The following CDCA7L variants were observed in gnomAD, a reference collection of about 807,000 sequenced individuals.
CDCA7L encodes cell division cycle associated 7 like, also known as cell division cycle-associated 7-like protein.
Under a neutral mutation model 57.4 loss-of-function variants are expected in CDCA7L, and 44 were observed. That is an observed-to-expected ratio of 0.77 (90% CI 0.60 to 0.98). CDCA7L has a LOEUF of 0.98. Among genes scored for constraint, CDCA7L ranks in the 50% least tolerant of loss-of-function variants. The pLI, the probability that CDCA7L is intolerant of heterozygous loss-of-function variation, is 0.00. For missense variants in CDCA7L, 644 were observed against 580.6 expected (o/e 1.11, Z -1.12); for synonymous variants, 236 against 202.8 (o/e 1.16, Z -1.39).
chr7:21,939,116 G>C (rs1786264434), intron 1 of CDCA7L, among the ~76,000 whole-genome samples: 1 of 152,142 alleles, frequency 6.6e-6, no homozygotes, highest in African/African-American at 2.4e-5. Flanking sequence ...AATACCATAT[G>C]ATTCCACTCA....
At chr7:21,938,531 A>G (rs1786243525) in intron 1 of CDCA7L, among the ~76,000 whole-genome samples, 1 of 152,220 alleles carries the variant, frequency 6.6e-6, no homozygotes, top group South Asian at 2.1e-4. Flanking sequence ...CATATAACCC[A>G]GCAATTCTAC....
At chr7:21,927,642 C>A (rs1785869320) in intron 1 of CDCA7L, among the ~76,000 whole-genome samples, 1 of 152,174 alleles carries the variant, frequency 6.6e-6, no homozygotes, top group Non-Finnish European at 1.5e-5. Flanking sequence ...CCCAAACTGG[C>A]TGAAAGGCAT....
At chr7:21,910,276 A>C (rs1785274810) in intron 3 of CDCA7L, among the ~76,000 whole-genome samples, 1 of 152,204 alleles carries the variant, frequency 6.6e-6, no homozygotes, top group Admixed American at 6.5e-5. Context: ...GAAGCTAGGG[A>C]CTTGCTGGCC....
chr7:21,935,728 G>A (rs1439491240), intron 1 of CDCA7L, among the ~76,000 whole-genome samples: 2 of 152,142 alleles, frequency 1.3e-5, no homozygotes, highest in Admixed American at 1.3e-4. Context: ...AAAAGGACTG[G>A]CCAGGCGCTG....
chr7:21,905,790 C>A, intron 6 of CDCA7L, 159 bp from the exon 7 acceptor site: 3 of 777,006 alleles, frequency 3.9e-6, no homozygotes, highest in Non-Finnish European at 5.7e-6. Flanking sequence ...TGAGCTCCTG[C>A]CACCTGCCAA....
chr7:21,903,247 C>G (rs1248412974), intron 8 of CDCA7L, 133 bp from the exon 9 acceptor site: 2 of 773,076 alleles, frequency 2.6e-6, no homozygotes, highest in African/African-American at 3.5e-5. Context: ...AGTCTACGTC[C>G]CAGGGGGCTC....
In CDCA7L at chr7:21,901,557, A is replaced by G. The variant is rs1562615761; in HGVS notation, c.*765T>C. 2 of 221,414 alleles carry G rather than the reference A, an allele frequency of 9.0e-6. No homozygotes were observed. Among genetic ancestry groups the G allele is most frequent in the Admixed American group, 5.7e-5 (1 of 17,456 alleles). 13.7% of individuals were successfully genotyped at this position (221,414 alleles called of 1,614,324 possible). A position where few individuals can be genotyped will look rare whatever the true frequency, so the allele number is the denominator to read the frequency against. ...GCACTCCCTCCTGGGCAACAGAACA[A>G]GACTCCATCTCAAAAAAAAAAAAGT... On this transcript the variant is annotated 3_prime_UTR_variant, in exon 10 of 10. Transcript: ENST00000406877.
intron 1 of CDCA7L, among the ~76,000 whole-genome samples, chr7:21,937,696 A>T (rs190727624): frequency 6.6e-6 from 1 of 152,172 alleles, no homozygotes; most frequent in Non-Finnish European, 1.5e-5. Flanking sequence ...CCTGACTTCA[A>T]TACTTACTAC....
Position 21,901,888 on chromosome 7 carries a change from G to C in CDCA7L, c.*434C>G, listed in dbSNP as rs181501220. 45 of 185,938 alleles carry C rather than the reference G, an allele frequency of 2.4e-4. No homozygotes were observed. Among genetic ancestry groups the C allele is most frequent in the African/African-American group, 1.0e-3 (44 of 42,564 alleles). The allele number at this position is 185,938 out of a possible 1,614,324, so 11.5% of individuals were successfully genotyped here. On this transcript the variant is annotated 3_prime_UTR_variant, in exon 10 of 10. Coordinates refer to ENST00000406877, the MANE Select transcript of CDCA7L (RefSeq NM_018719.5). Reference sequence around the variant, plus strand: ...TCCAATGACCAAGAGCAGGTTAAACGATGTGTGTGGTCTATTAAACTGTGG... The same window carrying C: ...TCCAATGACCAAGAGCAGGTTAAACCATGTGTGTGGTCTATTAAACTGTGG...
At position 21,901,948 on chromosome 7, in the gene CDCA7L, G is replaced by C. The variant is rs978519669; in HGVS notation, c.*374C>G. The C allele has an allele frequency of 4.2e-6, 1 of 240,612 alleles. No homozygotes were observed. Among genetic ancestry groups the C allele is most frequent in the African/African-American group, 2.5e-5 (1 of 40,678 alleles). The allele number at this position is 240,612 out of a possible 1,614,324, so 14.9% of individuals were successfully genotyped here. On this transcript the variant is annotated 3_prime_UTR_variant, in exon 10 of 10. Transcript: ENST00000406877. ...CTAAGGCACACTTGGCCTGGAGTGAGTTACTGTTTGGGAAGCCAAAGATAG... is the reference window on the plus strand; with the variant it reads ...CTAAGGCACACTTGGCCTGGAGTGACTTACTGTTTGGGAAGCCAAAGATAG...
At chr7:21,912,828 T>C (rs186787403) in intron 2 of CDCA7L, among the ~76,000 whole-genome samples, 14 of 152,356 alleles carry the variant, frequency 9.2e-5, no homozygotes, top group Admixed American at 8.5e-4. Context: ...AGATGCAATG[T>C]GACTCTTTAA....
At chr7:21,916,633 A>G in intron 2 of CDCA7L, 121 bp downstream of exon 2, 1 of 934,086 alleles carries the variant, frequency 1.1e-6, no homozygotes, top group Non-Finnish European at 1.6e-6. Context: ...ATGTTTCTAA[A>G]ATAAAATGCT....
rs776311696 is a variant in CDCA7L, at chr7:21,906,338, G to A, written c.872C>T (p.Ala291Val). ...FALENFTVSAAKFAEEFYSFR... is the reference protein window; with the variant it reads ...FALENFTVSAVKFAEEFYSFR... ...GCTGTAAAACTCTTCCGCAAATTTA[G>A]CGGCTGAGACAGTGAAGTTCTCTAG... The change falls in exon 6 of 10, where the codon GCT becomes GTT. Residue 291 changes from alanine to valine, a missense_variant. Physicochemically the swap from Ala to Val is moderately conservative, Grantham distance 64. Coordinates refer to ENST00000406877, the MANE Select transcript of CDCA7L (RefSeq NM_018719.5). The A allele has an allele frequency of 6.2e-7, 1 of 1,611,014 alleles. No individual in the cohort carries two copies. The highest frequency in any genetic ancestry group is 8.5e-7 in the Non-Finnish European group (1 of 1,178,664).
At position 21,901,642 on chromosome 7, in the gene CDCA7L, GATTTTA is replaced by G. The variant is rs891533035; in HGVS notation, c.*674_*679del. ...AAGCAATGCAGCCGGAAAGAACGGA[GATTTTA>G]ATTTTTAACAAACAACAAATTAAAT... On this transcript the variant is annotated 3_prime_UTR_variant, in exon 10 of 10. Coordinates refer to ENST00000406877, the MANE Select transcript of CDCA7L (RefSeq NM_018719.5). 2.5e-5 allele frequency: 4 copies of G among 157,992 alleles called. No individual in the cohort carries two copies. The highest frequency in any genetic ancestry group is 7.2e-5 in the African/African-American group (3 of 41,472). The allele number at this position is 157,992 out of a possible 1,614,324, so 9.8% of individuals were successfully genotyped here.
intron 4 of CDCA7L, among the ~76,000 whole-genome samples, chr7:21,907,105 C>G (rs1040594830): frequency 6.6e-6 from 1 of 152,266 alleles, no homozygotes; most frequent in East Asian, 1.9e-4. Context: ...TCTCATCAAT[C>G]AAAGTAATCT....
At chr7:21,915,902 G>C (rs1166681543) in intron 2 of CDCA7L, among the ~76,000 whole-genome samples, 1 of 152,052 alleles carries the variant, frequency 6.6e-6, no homozygotes, top group African/African-American at 2.4e-5. Context: ...GTTAGAAGGA[G>C]GTCTACTGGT....
intron 3 of CDCA7L, among the ~76,000 whole-genome samples, chr7:21,910,615 T>TATGCTATGC (rs1386520016): frequency 1.8e-4 from 28 of 152,256 alleles, no homozygotes; most frequent in Admixed American, 1.8e-3. Context: ...TGCATAAATG[T>TATGCTATGC]ATGCTATTTT....
rs200024670 is a variant in CDCA7L at position 21,945,453 on chromosome 7, C to G, written c.24+328G>C. Among the ~76,000 whole-genome samples, 9 of 152,288 alleles carry G rather than the reference C, an allele frequency of 5.9e-5. No individual in the cohort carries two copies. The East Asian group carries it at 1.5e-3, about 26-fold the overall frequency. On this transcript the variant is annotated intron_variant, in intron 1 of 9. Transcript: ENST00000406877. ...GGAGTGCACAAAAAAAGCCCCTCCC[C>G]CGTCTCACGAGGGCTGCAAACGCAG...
At chr7:21,931,835 A>C (rs1299624602) in intron 1 of CDCA7L, among the ~76,000 whole-genome samples, 1 of 152,214 alleles carries the variant, frequency 6.6e-6, no homozygotes, top group Non-Finnish European at 1.5e-5. Context: ...GAAAGAAATA[A>C]AAAGTATTCA....
Sources: gnomAD v4.1 joint callset for allele counts (sites outside exome capture counted in the v4.1 genomes callset) on GRCh38, gnomAD v4.1.1 for gene constraint, MANE v1.5 for transcripts, NCBI Gene and HGNC (gene_info 2026-07-23, HGNC 2026-07-21) for gene names.